The following COPZ2 variants were observed in gnomAD, a reference collection of about 807,000 sequenced individuals.
The protein encoded by COPZ2 is coat protein complex I subunit zeta 2, also known as coatomer subunit zeta-2.
COPZ2 carries 30 observed loss-of-function variants against 33.2 expected under a neutral mutation model. That is an observed-to-expected ratio of 0.90 (90% confidence interval 0.68 to 1.23). The LOEUF is 1.23. COPZ2 is among the 50% of genes most tolerant of loss of function. COPZ2 has a pLI of 0.00. For synonymous variants in COPZ2, 89 were observed against 102.6 expected (o/e 0.87, Z 0.80); for missense variants, 263 against 262.4 (o/e 1.00, Z -0.02).
In COPZ2 at chr17:48,033,232, C is replaced by T. The variant is rs1215626177; in HGVS notation, c.339G>A (p.Val113=). 6 of 1,612,424 alleles carry T rather than the reference C, an allele frequency of 3.7e-6. No homozygotes were observed. The highest frequency in any genetic ancestry group is 1.7e-5 in the Admixed American group (1 of 59,926). Residue 113 remains valine, a synonymous_variant, in exon 4 of 9, where the codon GTG becomes GTA. Transcript: ENST00000621465. ...TCACCTCATTCTCGTAGGATGAGCC[C>T]ACCACGTATAGGAAGAGGTCAATGC... ...KNSIDLFLYV[V]GSSYENELML...
chr17:48,033,797 G>A (rs886925877), intron 3 of COPZ2, 66 bp downstream of exon 3: 1 of 1,235,628 alleles, frequency 8.1e-7, no homozygotes, highest in African/African-American at 1.5e-5. Context: ...GGGGACAGAT[G>A]TGTCCAGATG....
At chr17:48,040,145 CA>C (rs2037048023), upstream of COPZ2, among the ~76,000 whole-genome samples, 1 of 145,008 alleles carries the variant, frequency 6.9e-6, no homozygotes, top group Non-Finnish European at 1.5e-5. Context: ...CACACACACA[CA>C]CACACACAAA....
At chr17:48,029,890 C>T (rs776785986) in intron 6 of COPZ2, among the ~76,000 whole-genome samples, 2 of 152,010 alleles carry the variant, frequency 1.3e-5, no homozygotes, top group Non-Finnish European at 2.9e-5. Flanking sequence ...ATCGCTTCAA[C>T]CCGGGAGGCA....
upstream of COPZ2, among the ~76,000 whole-genome samples, chr17:48,042,414 G>A (rs1336560489): frequency 1.3e-5 from 2 of 151,968 alleles, no homozygotes; most frequent in Admixed American, 6.6e-5. Context: ...GATTACAGGC[G>A]TGAACCACCG....
chr17:48,040,017 G>T (rs1333090987), upstream of COPZ2, among the ~76,000 whole-genome samples: 1 of 152,024 alleles, frequency 6.6e-6, no homozygotes, highest in Non-Finnish European at 1.5e-5. Context: ...AGCTACTCGG[G>T]AGGCTGAGGC....
rs772721007 is a variant in COPZ2, at chr17:48,032,176, C to T, written c.474G>A (p.Leu158=). ...CTCACCCGCCATCCACAATCTCGTC[C>T]AGCACCAAGAAGGCTCCGTCCATGT... The part of the protein sequence containing the change: ...LENMDGAFLV[L]DEIVDGGVIL... The change falls in exon 6 of 9, where the codon CTG becomes CTA. Residue 158 remains leucine, a synonymous_variant. Coordinates refer to ENST00000621465, the MANE Select transcript of COPZ2 (RefSeq NM_016429.4). The T allele has an allele frequency of 6.2e-6, 10 of 1,613,428 alleles. No individual in the cohort carries two copies. The highest frequency in any genetic ancestry group is 8.5e-6 in the Non-Finnish European group (10 of 1,179,746).
intron 4 of COPZ2, 164 bp downstream of exon 4, chr17:48,033,047 A>AT: frequency 1.6e-6 from 1 of 609,820 alleles, no homozygotes; most frequent in East Asian, 2.8e-5. Flanking sequence ...GAAGATACAC[A>AT]TTGTCCCAGA....
chr17:48,043,455 CTGCT>C, the COPZ2 span: 12 of 911,208 alleles, frequency 1.3e-5, no homozygotes, highest in Non-Finnish European at 1.4e-5. Flanking sequence ...TCTATCCCTC[CTGCT>C]TAATGTCAAG....
the COPZ2 span, chr17:48,047,817 A>G: frequency 1.3e-5 from 2 of 152,240 alleles, no homozygotes; most frequent in African/African-American, 2.4e-5. Flanking sequence ...GCCAGCACCC[A>G]AGATGGCGGC....
chr17:48,042,846 AATG>A (rs1158498985), upstream of COPZ2, among the ~76,000 whole-genome samples: 1 of 152,188 alleles, frequency 6.6e-6, no homozygotes, highest in Admixed American at 6.5e-5. Context: ...GATTCTCCCC[AATG>A]ATAACCCCTC....
chr17:48,039,452 G>A (rs969523389), upstream of COPZ2, among the ~76,000 whole-genome samples: 3 of 150,532 alleles, frequency 2.0e-5, no homozygotes, highest in Admixed American at 2.0e-4. Flanking sequence ...CCTGGGCAAT[G>A]GGAGTGAGAA....
chr17:48,037,803 C>G, upstream of COPZ2: 1 of 985,868 alleles, frequency 1.0e-6, no homozygotes. This position sits in a 1 kb window ranked among gnomAD's most constrained non-coding sequence, Gnocchi z 5.6. Context: ...GCACTGACAG[C>G]GCCGCCCGCC....
At chr17:48,034,592 C>T (rs939782749) in intron 2 of COPZ2, among the ~76,000 whole-genome samples, 5 of 152,108 alleles carry the variant, frequency 3.3e-5, no homozygotes, top group African/African-American at 9.7e-5. Context: ...ACAGGAAAGA[C>T]GGCAAAACCA....
chr17:48,043,882 A>G, the COPZ2 span, among the ~76,000 whole-genome samples: 1 of 152,232 alleles, frequency 6.6e-6, no homozygotes, highest in Non-Finnish European at 1.5e-5. Flanking sequence ...CATGTCACAC[A>G]GAGCTATATG....
At chr17:48,035,910 T>C (rs1455205608) in intron 2 of COPZ2, among the ~76,000 whole-genome samples, 3 of 151,908 alleles carry the variant, frequency 2.0e-5, no homozygotes, top group African/African-American at 4.8e-5. Flanking sequence ...CCCACCACCA[T>C]GCCTGGCTAA....
upstream of COPZ2, among the ~76,000 whole-genome samples, chr17:48,042,121 GCTTTTT>G (rs796606839): frequency 2.0e-5 from 3 of 151,958 alleles, no homozygotes; most frequent in Admixed American, 6.6e-5. Flanking sequence ...CACTGTTGTT[GCTTTTT>G]CTTTTTCTTT....
chr17:48,033,046 C>G, intron 4 of COPZ2, 165 bp downstream of exon 4: 2 of 609,500 alleles, frequency 3.3e-6, no homozygotes, highest in Non-Finnish European at 5.9e-6. Context: ...CGAAGATACA[C>G]ATTGTCCCAG....
chr17:48,043,487 G>C, the COPZ2 span: 1 of 982,994 alleles, frequency 1.0e-6, no homozygotes, highest in African/African-American at 1.7e-5. Flanking sequence ...GGTGTGTGTG[G>C]AATATGAGGC....
At chr17:48,044,351 A>T in the COPZ2 span, among the ~76,000 whole-genome samples, 1 of 152,034 alleles carries the variant, frequency 6.6e-6, no homozygotes, top group Admixed American at 6.6e-5. Context: ...TCTCAAAAAA[A>T]AAAGTCAGAT....
Sources: gnomAD v4.1 joint callset for allele counts (sites outside exome capture counted in the v4.1 genomes callset) on GRCh38, gnomAD v4.1.1 for gene constraint, Gnocchi (gnomAD v3.1) non-coding constraint, MANE v1.5 for transcripts, NCBI Gene and HGNC (gene_info 2026-07-23, HGNC 2026-07-21) for gene names.